The following GLI2 variants were observed in gnomAD, a reference collection of about 807,000 sequenced individuals.
GLI2 encodes transcription activator GLI2.
Under a neutral mutation model 78.9 loss-of-function variants are expected in GLI2, and 22 were observed. The ratio of observed to expected loss-of-function variants is 0.28; its 90% CI spans 0.20 to 0.40. The LOEUF is 0.40. GLI2 is among the 10% of genes least tolerant of loss of function. The pLI, the probability that GLI2 is intolerant of heterozygous loss-of-function variation, is 1.00. For missense variants in GLI2, 2,097 were observed against 2,213.2 expected, an observed-to-expected ratio of 0.95 and a Z score of 1.05; for synonymous variants, 974 against 963.7, an observed-to-expected ratio of 1.01 and a Z score of -0.20.
intron 4 of GLI2, chr2:120,951,839 G>C (rs1477603222): frequency 5.9e-6 from 1 of 170,032 alleles, no homozygotes; most frequent in East Asian, 1.6e-4. Flanking sequence ...CTGCGTCTCT[G>C]TTGGATCTGC....
intron 2 of GLI2, among the ~76,000 whole-genome samples, chr2:120,834,815 CA>C (rs1236495549): frequency 6.6e-6 from 1 of 151,998 alleles, no homozygotes; most frequent in East Asian, 1.9e-4. Context: ...GGGTTATGCA[CA>C]AGGCATGATC....
chr2:120,956,578 C>T (rs914993993), intron 5 of GLI2, among the ~76,000 whole-genome samples: 9 of 152,086 alleles, frequency 5.9e-5, no homozygotes, highest in South Asian at 2.1e-4. Flanking sequence ...CCCTGGCCAG[C>T]GGCACACAGG....
chr2:120,751,852 C>A (rs1682882997), intron 1 of GLI2, among the ~76,000 whole-genome samples: 1 of 152,150 alleles, frequency 6.6e-6, no homozygotes. Flanking sequence ...AGGTAGAATT[C>A]TTGATCAAAG....
chr2:120,759,477 C>T (rs1046769999), intron 1 of GLI2, among the ~76,000 whole-genome samples: 2 of 152,176 alleles, frequency 1.3e-5, no homozygotes, highest in Admixed American at 6.5e-5. Flanking sequence ...GCTCACAGAA[C>T]TCGGGAAATA....
intron 2 of GLI2, among the ~76,000 whole-genome samples, chr2:120,910,727 G>A (rs1389979263): frequency 1.3e-5 from 2 of 152,182 alleles, no homozygotes; most frequent in Non-Finnish European, 2.9e-5. Flanking sequence ...GATACATGGG[G>A]GTTATTAGCA....
At chr2:120,754,149 CT>C (rs2104636471) in intron 1 of GLI2, among the ~76,000 whole-genome samples, 1 of 152,076 alleles carries the variant, frequency 6.6e-6, no homozygotes, top group East Asian at 1.9e-4. Context: ...TGTTTTTGTA[CT>C]TTAGACAGAT....
chr2:120,984,817 T>A, intron 12 of GLI2, 74 bp downstream of exon 12: 1 of 1,510,096 alleles, frequency 6.6e-7, no homozygotes, highest in Non-Finnish European at 9.1e-7. Context: ...TTGCCACGGT[T>A]GCGGGCTCTG....
intron 2 of GLI2, among the ~76,000 whole-genome samples, chr2:120,872,609 C>G (rs1002742216): frequency 4.1e-4 from 63 of 152,202 alleles, no homozygotes; most frequent in African/African-American, 1.4e-3. Flanking sequence ...GCCACCTAGC[C>G]CAGTGATCAG....
intron 2 of GLI2, among the ~76,000 whole-genome samples, chr2:120,812,566 A>G (rs930644834): frequency 6.6e-6 from 1 of 151,938 alleles, no homozygotes; most frequent in African/African-American, 2.4e-5. Flanking sequence ...TCTTTCCATC[A>G]CTGGGGTCAT....
intron 2 of GLI2, among the ~76,000 whole-genome samples, chr2:120,895,983 T>G (rs1276574503): frequency 6.6e-6 from 1 of 152,164 alleles, no homozygotes; most frequent in Non-Finnish European, 1.5e-5. Flanking sequence ...GACTCTCCCC[T>G]CCCATTTTAT....
chr2:120,858,674 G>A (rs1687769092), intron 2 of GLI2, among the ~76,000 whole-genome samples: 1 of 152,202 alleles, frequency 6.6e-6, no homozygotes, highest in Admixed American at 6.5e-5. Context: ...GTGGCCGGAG[G>A]CTGGTTATCC....
At chr2:120,764,156 C>G (rs1014954592) in intron 1 of GLI2, among the ~76,000 whole-genome samples, 1 of 152,250 alleles carries the variant, frequency 6.6e-6, no homozygotes, top group African/African-American at 2.4e-5. Flanking sequence ...AGGGTAGGCT[C>G]TGCCCTGATG....
At chr2:120,860,499 C>T (rs537336286) in intron 2 of GLI2, among the ~76,000 whole-genome samples, 6 of 152,314 alleles carry the variant, frequency 3.9e-5, no homozygotes, top group East Asian at 3.9e-4. Flanking sequence ...GGCTCCCTTT[C>T]GAGATTCTGG....
intron 3 of GLI2, among the ~76,000 whole-genome samples, chr2:120,937,124 T>G (rs1680236612): frequency 6.6e-6 from 1 of 152,176 alleles, no homozygotes. Context: ...TCAGAGTTGC[T>G]TAACTCAGTG....
At chr2:120,798,857 C>T (rs1209724143) in intron 2 of GLI2, among the ~76,000 whole-genome samples, 1 of 152,178 alleles carries the variant, frequency 6.6e-6, no homozygotes, top group Non-Finnish European at 1.5e-5. Context: ...GTGGGGGCAC[C>T]TAAAGCTGCC....
At chr2:120,813,031 C>T (rs1267495839) in intron 2 of GLI2, among the ~76,000 whole-genome samples, 2 of 151,254 alleles carry the variant, frequency 1.3e-5, no homozygotes, top group Admixed American at 6.6e-5. Flanking sequence ...CTGCGAGGTC[C>T]CCAGACGATG....
At chr2:120,865,856 G>A (rs1045685880) in intron 2 of GLI2, among the ~76,000 whole-genome samples, 6 of 152,194 alleles carry the variant, frequency 3.9e-5, no homozygotes, top group African/African-American at 1.2e-4. Context: ...TCCCACTCCG[G>A]GTACCCCAGG....
chr2:120,964,852 CAGAGA>C (rs1681762321), intron 5 of GLI2, among the ~76,000 whole-genome samples: 1 of 152,240 alleles, frequency 6.6e-6, no homozygotes, highest in Non-Finnish European at 1.5e-5. Context: ...TGAAGATGGA[CAGAGA>C]AGACACAGAG....
chr2:120,825,083 C>A (rs758600727), intron 2 of GLI2, among the ~76,000 whole-genome samples: 1 of 152,164 alleles, frequency 6.6e-6, no homozygotes, highest in Non-Finnish European at 1.5e-5. Flanking sequence ...TGGTCCCCTT[C>A]CCAAAGTGCT....
Sources: gnomAD v4.1 joint callset for allele counts (sites outside exome capture counted in the v4.1 genomes callset) on GRCh38, gnomAD v4.1.1 for gene constraint, MANE v1.5 for transcripts, NCBI Gene and HGNC (gene_info 2026-07-23, HGNC 2026-07-21) for gene names.